NELL1: variants seen among roughly 807,000 people sequenced by gnomAD.
NELL1 encodes the protein neural EGFL like 1.
In NELL1, 76 loss-of-function variants were observed where a neutral mutation model predicts 107.4. The ratio of observed to expected loss-of-function variants is 0.71; its 90% CI spans 0.59 to 0.86. The LOEUF (loss-of-function observed/expected upper bound fraction) is 0.86. NELL1 is among the 40% of genes least tolerant of loss of function. The pLI, the probability that NELL1 is intolerant of heterozygous loss-of-function variation, is 0.00. For missense variants in NELL1, 1,024 were observed against 1,005.5 expected (o/e 1.02, Z -0.25); for synonymous variants, 353 against 341.2 (o/e 1.03, Z -0.38).
intron 15 of NELL1, among the ~76,000 whole-genome samples, chr11:21,403,326 C>A (rs1852143863): frequency 6.6e-6 from 1 of 151,698 alleles, no homozygotes; most frequent in African/African-American, 2.4e-5. Flanking sequence ...ACCAAACCTT[C>A]AGGGACTCTT....
intron 3 of NELL1, among the ~76,000 whole-genome samples, chr11:20,842,026 G>C (rs938042213): frequency 2.0e-5 from 3 of 152,142 alleles, no homozygotes; most frequent in African/African-American, 7.2e-5. Context: ...GCCTTGTGTT[G>C]TTGGCTTAAT....
intron 3 of NELL1, among the ~76,000 whole-genome samples, chr11:20,792,473 A>G (rs1240967321): frequency 6.6e-6 from 1 of 151,626 alleles, no homozygotes; most frequent in East Asian, 1.9e-4. Context: ...AGTACTTTCT[A>G]ATATCTATCA....
intron 3 of NELL1, among the ~76,000 whole-genome samples, chr11:20,799,848 A>C (rs370697092): frequency 2.2e-4 from 34 of 152,082 alleles, no homozygotes; most frequent in Admixed American, 1.8e-3. Context: ...TTTAGCCCAT[A>C]TCCCCCTCTC....
At chr11:21,535,887 T>C (rs1856123920) in intron 16 of NELL1, among the ~76,000 whole-genome samples, 2 of 152,168 alleles carry the variant, frequency 1.3e-5, no homozygotes, top group South Asian at 4.1e-4. Flanking sequence ...TCTGTACATA[T>C]GCAGCTCATT....
chr11:21,164,766 A>G (rs900826677), intron 13 of NELL1, among the ~76,000 whole-genome samples: 1 of 152,184 alleles, frequency 6.6e-6, no homozygotes, highest in African/African-American at 2.4e-5. Flanking sequence ...AAATCCTCTG[A>G]TTTGTGCCTC....
chr11:20,836,105 CA>C (rs1848530414), intron 3 of NELL1, among the ~76,000 whole-genome samples: 1 of 151,798 alleles, frequency 6.6e-6, no homozygotes, highest in Non-Finnish European at 1.5e-5. Context: ...AATAAGTAAA[CA>C]AACCAATTTT....
intron 12 of NELL1, among the ~76,000 whole-genome samples, chr11:21,049,275 C>T (rs973271375): frequency 2.0e-5 from 3 of 152,156 alleles, no homozygotes; most frequent in Non-Finnish European, 4.4e-5. Context: ...CTTCCAGAAT[C>T]GGAAGGAATA....
intron 14 of NELL1, among the ~76,000 whole-genome samples, chr11:21,289,572 A>C (rs1849203755): frequency 1.3e-5 from 2 of 152,218 alleles, no homozygotes. Flanking sequence ...TTTCAAGCAC[A>C]AAACTGGGTG....
intron 14 of NELL1, among the ~76,000 whole-genome samples, chr11:21,297,972 C>G (rs368086591): frequency 6.6e-6 from 1 of 151,936 alleles, no homozygotes; most frequent in Non-Finnish European, 1.5e-5. Context: ...CTGCCATCAC[C>G]TGCCCATTGC....
At chr11:20,762,739 CATT>C (rs745814041) in intron 2 of NELL1, among the ~76,000 whole-genome samples, 16 of 152,132 alleles carry the variant, frequency 1.1e-4, no homozygotes, top group Admixed American at 9.8e-4. Context: ...CTCACGCTCA[CATT>C]ATTATTCTGT....
chr11:20,882,191 A>G (rs945353919), intron 4 of NELL1, among the ~76,000 whole-genome samples: 17 of 152,246 alleles, frequency 1.1e-4, no homozygotes, highest in Admixed American at 3.9e-4. Context: ...GGGTACGTGT[A>G]GGAATGTGAT....
At chr11:21,236,061 G>T (rs1858198699) in intron 14 of NELL1, among the ~76,000 whole-genome samples, 1 of 152,018 alleles carries the variant, frequency 6.6e-6, no homozygotes. Flanking sequence ...AGGCCAGATG[G>T]ATGATTTCAT....
At chr11:21,554,637 T>C (rs564154323) in intron 16 of NELL1, among the ~76,000 whole-genome samples, 48 of 151,832 alleles carry the variant, frequency 3.2e-4, no homozygotes, top group Non-Finnish European at 6.5e-4. Flanking sequence ...CCAACAATAA[T>C]AGTGACTAAT....
intron 14 of NELL1, among the ~76,000 whole-genome samples, chr11:21,303,114 C>CTATATCTATATCTATATCTA (rs556375310): frequency 7.1e-6 from 1 of 140,872 alleles, no homozygotes; most frequent in Non-Finnish European, 1.6e-5. Context: ...ATATCTATAT[C>CTATATCTATATCTATATCTA]TATCTTCTGT....
At chr11:21,162,939 G>T (rs1034113217) in intron 13 of NELL1, among the ~76,000 whole-genome samples, 11 of 152,146 alleles carry the variant, frequency 7.2e-5, no homozygotes, top group Admixed American at 6.5e-4. Context: ...TTATAGTTAG[G>T]AAGGGAGACA....
chr11:21,222,182 TG>T (rs1857774221), intron 13 of NELL1, among the ~76,000 whole-genome samples: 1 of 151,568 alleles, frequency 6.6e-6, no homozygotes. Context: ...TTGTTTGTTT[TG>T]TTTTTGTTTG....
intron 12 of NELL1, among the ~76,000 whole-genome samples, chr11:21,017,503 G>A (rs1285206828): frequency 6.6e-6 from 1 of 152,008 alleles, no homozygotes; most frequent in East Asian, 1.9e-4. Context: ...AATACATGGA[G>A]TGGCTTCTGT....
intron 12 of NELL1, among the ~76,000 whole-genome samples, chr11:21,032,459 G>T (rs1265431259): frequency 6.6e-6 from 1 of 152,160 alleles, no homozygotes; most frequent in African/African-American, 2.4e-5. Context: ...GCACGTCTCA[G>T]CTCACTGCAA....
chr11:21,170,444 C>T (rs979609424), intron 13 of NELL1, among the ~76,000 whole-genome samples: 2 of 151,736 alleles, frequency 1.3e-5, no homozygotes, highest in Non-Finnish European at 2.9e-5. Flanking sequence ...AAGGCTGATC[C>T]ACTTTATGTA....
Sources: allele counts gnomAD v4.1 joint callset (sites outside exome capture counted in the v4.1 genomes callset), GRCh38; gene constraint gnomAD v4.1.1; transcripts MANE v1.5; gene names NCBI Gene and HGNC (gene_info 2026-07-23, HGNC 2026-07-21).